The following MIB2 variants were observed in gnomAD, a reference collection of about 807,000 sequenced individuals.
MIB2 encodes the protein MIB E3 ubiquitin protein ligase 2, also known as E3 ubiquitin-protein ligase MIB2.
Under a neutral mutation model 96.6 loss-of-function variants are expected in MIB2, and 78 were observed. That is an observed-to-expected ratio of 0.81 (90% CI 0.67 to 0.97). The LOEUF is 0.97. Among genes scored for constraint, MIB2 ranks in the 50% least tolerant of loss-of-function variants. The pLI is 0.00. For synonymous variants in MIB2, 820 were observed against 629.5 expected, an observed-to-expected ratio of 1.30 and a Z score of -4.53; for missense variants, 1,543 against 1,424.0, an observed-to-expected ratio of 1.08 and a Z score of -1.35.
chr1:1,628,861 G>T (rs912334415), intron 16 of MIB2, 139 bp downstream of exon 16: 2 of 837,726 alleles, frequency 2.4e-6, no homozygotes, highest in Non-Finnish European at 3.6e-6. Flanking sequence ...GAGCAGATGG[G>T]AGCCAAGTTC....
At position 1,626,400 on chromosome 1, in the gene MIB2, G is replaced by T; in HGVS notation, c.973-250G>T. On this transcript the variant is annotated intron_variant, in intron 8 of 19. Coordinates refer to ENST00000355826, the MANE Select transcript of MIB2 (RefSeq NM_001170687.4). This position sits in a 1 kb window ranked among gnomAD's most constrained non-coding sequence, Gnocchi z 5.3. ...GGCCAGCCACCTCGGCTTCACACCT[G>T]CCCAGAGCTGGCTTCTGTCTGCCTG... The T allele has an allele frequency of 1.9e-6, 1 of 525,446 alleles. No homozygotes were observed. The highest frequency in any genetic ancestry group is 3.3e-6 in the Non-Finnish European group (1 of 299,388). The allele number at this position is 525,446 out of a possible 1,614,324, so 32.5% of individuals were successfully genotyped here.
chr1:1,615,124 G>A (rs1360153025), upstream of MIB2: 1 of 345,418 alleles, frequency 2.9e-6, no homozygotes, highest in Non-Finnish European at 5.3e-6. Flanking sequence ...CAACTCTGGG[G>A]TGCAGAACCC....
At position 1,624,801 on chromosome 1, in the gene MIB2, A is replaced by G. The variant is rs2100464159; in HGVS notation, c.426A>G (p.Thr142=). The change falls in exon 5 of 20, where the codon ACA becomes ACG. Residue 142 remains threonine (T), a synonymous_variant. Transcript: ENST00000355826. ...RYETAHSRPV[T]LSPRQGLPRI... ...TTTGTGAACCCTCTTGCAGTGTCAC[A>G]CTGAGTCCCCGCCAGGGCCTCCCGA... The G allele has an allele frequency of 1.2e-6, 2 of 1,612,698 alleles. No homozygotes were observed. Among genetic ancestry groups the G allele is most frequent in the East Asian group, 2.2e-5 (1 of 44,876 alleles).
chr1:1,615,466 G>T, upstream of MIB2: 2 of 1,518,140 alleles, frequency 1.3e-6, no homozygotes, highest in Non-Finnish European at 1.8e-6. Context: ...GGCCATGGCG[G>T]GGGCGCTCCG....
Position 1,625,814 on chromosome 1 carries a change from G to A in MIB2, c.972+161G>A. On this transcript the variant is annotated intron_variant, in intron 8 of 19. Transcript: ENST00000355826. This position sits in a 1 kb window ranked among gnomAD's most constrained non-coding sequence, Gnocchi z 5.0. ...GGACTGGTGGGTGGAGGTGGGTGGG[G>A]TCAAGGAGAAGAGGGGGTTGGGTGT... 1.6e-6 allele frequency: 1 copy of A among 625,110 alleles called. No homozygotes were observed. The highest frequency in any genetic ancestry group is 2.8e-5 in the Admixed American group (1 of 35,920). 38.7% of individuals were successfully genotyped at this position (625,110 alleles called of 1,614,324 possible).
In MIB2 at chr1:1,629,463, C is replaced by G. The variant is rs911925723; in HGVS notation, c.2460C>G (p.His820Gln). The G allele has an allele frequency of 5.9e-6, 9 of 1,531,624 alleles. No homozygotes were observed. The highest frequency in any genetic ancestry group is 2.8e-5 in the African/African-American group (2 of 72,362). 94.9% of individuals were successfully genotyped at this position (1,531,624 alleles called of 1,614,324 possible). The change falls in exon 18 of 20, where the codon CAC (histidine) becomes CAG (glutamine). Residue 820 changes from histidine (H) to glutamine (Q), a missense_variant. Transcript: ENST00000355826. ...LGTPNTVTNL[H>Q]VGAAPGPEAA... ...CCCCCAACACCGTGACGAACCTGCA[C>G]GTGGGCGCCGCGCCGGGGCCCGAGG...
At chr1:1,627,916 C>G in intron 13 of MIB2, 87 bp downstream of exon 13, 1 of 1,600,024 alleles carries the variant, frequency 6.2e-7, no homozygotes, top group Non-Finnish European at 8.5e-7. Context: ...GTGCTGCTCC[C>G]TGGCCTGGGT....
upstream of MIB2, chr1:1,613,892 G>A (rs1434877691): frequency 1.3e-5 from 2 of 152,040 alleles, no homozygotes; most frequent in African/African-American, 4.8e-5. Context: ...GGAAGTGATC[G>A]GTCTAGGTCG....
At chr1:1,619,702 C>T (rs967403339) in intron 2 of MIB2, among the ~76,000 whole-genome samples, 2 of 152,188 alleles carry the variant, frequency 1.3e-5, no homozygotes, top group Admixed American at 1.3e-4. Flanking sequence ...TGGGCGCACC[C>T]AGCTCCCCTG....
Position 1,629,713 on chromosome 1 carries a change from G to C in MIB2, c.2629+9G>C. Reference sequence around the variant, plus strand: ...CAAGAAACTGCGCCCAGGTGGGTGAGGCTCTGCGCCCCCAACACGCCTCCT... The same window carrying C: ...CAAGAAACTGCGCCCAGGTGGGTGACGCTCTGCGCCCCCAACACGCCTCCT... On this transcript the variant is annotated intron_variant, in intron 19 of 19. Transcript: ENST00000355826. 6.3e-7 allele frequency: 1 copy of C among 1,581,646 alleles called. No homozygotes were observed. The highest frequency in any genetic ancestry group is 1.2e-5 in the South Asian group (1 of 86,508).
chr1:1,616,415 C>G (rs2100288925), intron 1 of MIB2, 93 bp from the exon 2 acceptor site: 2 of 929,696 alleles, frequency 2.2e-6, no homozygotes, highest in Non-Finnish European at 3.1e-6. Context: ...CCGAGTGGAC[C>G]TGGAGCCGGC....
intron 2 of MIB2, among the ~76,000 whole-genome samples, chr1:1,622,263 C>T (rs1452504062): frequency 6.6e-6 from 1 of 152,248 alleles, no homozygotes; most frequent in Non-Finnish European, 1.5e-5. Context: ...TGGTGGCCCT[C>T]CCCTCCCCGC....
chr1:1,624,356 G>A (rs1166288980), intron 4 of MIB2: 14 of 380,216 alleles, frequency 3.7e-5, no homozygotes, highest in South Asian at 1.6e-4. Context: ...CTCCCTGCAC[G>A]TGGAGGGAGG....
Position 1,626,950 on chromosome 1 carries a change from C to T in MIB2, c.1191C>T (p.Pro397=), listed in dbSNP as rs779837113. The T allele has an allele frequency of 1.1e-5, 18 of 1,611,080 alleles. No homozygotes were observed. Among genetic ancestry groups the T allele is most frequent in the East Asian group, 2.2e-5 (1 of 44,832 alleles). Residue 397 remains proline (P), a synonymous_variant, in exon 10 of 20, where the codon CCC becomes CCT. Coordinates refer to ENST00000355826, the MANE Select transcript of MIB2 (RefSeq NM_001170687.4). The surrounding 1 kb of genome is among the most constrained non-coding windows in gnomAD (Gnocchi z 5.3). ...FSPSCLVAYR[P]EEDANLDVAE... ...CCTCCTGCCTGGTGGCCTACCGGCC[C>T]GAGGAGGATGCCAACCTGGACGTGG... is the stretch of plus-strand genomic sequence containing the variant.
chr1:1,627,482 C>G lies in MIB2; in HGVS notation c.1523+38C>G, dbSNP rs776069909. 2.6e-6 allele frequency: 4 copies of G among 1,561,062 alleles called. No homozygotes were observed. The Admixed American group carries it at 7.0e-5, about 27-fold the overall frequency. On this transcript the variant is annotated intron_variant, in intron 12 of 19. Coordinates refer to ENST00000355826, the MANE Select transcript of MIB2 (RefSeq NM_001170687.4). ...AGGGGCCCGGCCGGCGGGGCTGAGC[C>G]TGTGCGTCCTGGGGTGAGGCCTGGG...
chr1:1,629,855 C>CCCCAGCT, intron 19 of MIB2, 151 bp downstream of exon 19: 1 of 803,730 alleles, frequency 1.2e-6, no homozygotes, highest in Admixed American at 3.3e-5. Context: ...GCCCCCCAGC[C>CCCCAGCT]CCCAGCCCCC....
At chr1:1,616,764 AGTTCGGAACCCAT>A in intron 2 of MIB2, 150 bp downstream of exon 2, 2 of 619,088 alleles carry the variant, frequency 3.2e-6, no homozygotes, top group Non-Finnish European at 5.6e-6. Flanking sequence ...CTCCTCTCTG[AGTTCGGAACCCAT>A]GGAGGAAGAA....
intron 1 of MIB2, chr1:1,615,969 C>G: frequency 2.0e-6 from 2 of 985,814 alleles, no homozygotes; most frequent in Non-Finnish European, 2.4e-6. Flanking sequence ...CTGGCCTGGC[C>G]GCCGCTGAGC....
rs372072320 is a variant in MIB2, at chr1:1,625,594, G to A, written c.913G>A (p.Val305Met). 2.5e-6 allele frequency: 4 copies of A among 1,583,072 alleles called. No homozygotes were observed. The highest frequency in any genetic ancestry group is 1.2e-5 in the South Asian group (1 of 86,870). ...GCATCGTATCACGGACCGCGGGGAC[G>A]TGCGCGTGCAGTTCAACCACGAGAC... ...TVHRITDRGD[V>M]RVQFNHETRW... The change falls in exon 8 of 20, where the codon GTG becomes ATG. Residue 305 changes from valine to methionine, a missense_variant. By Grantham distance (21) the Val-to-Met change is conservative (BLOSUM62 1). Transcript: ENST00000355826. The surrounding 1 kb of genome is among the most constrained non-coding windows in gnomAD (Gnocchi z 5.0).
Sources: allele counts gnomAD v4.1 joint callset (sites outside exome capture counted in the v4.1 genomes callset), GRCh38; gene constraint gnomAD v4.1.1; non-coding constraint Gnocchi (gnomAD v3.1); transcripts MANE v1.5; gene names NCBI Gene and HGNC (gene_info 2026-07-23, HGNC 2026-07-21).